Variants in TOP1MT observed in about 807,000 individuals in gnomAD.
The protein encoded by TOP1MT is DNA topoisomerase I, mitochondrial.
A neutral mutation model predicts 73.9 loss-of-function variants in TOP1MT; 80 were observed. That is an observed-to-expected ratio of 1.08 (90% CI 0.90 to 1.30). The LOEUF (loss-of-function observed/expected upper bound fraction) is 1.30. Ranked by LOEUF, TOP1MT falls within the 50% of genes most tolerant of loss-of-function variation. TOP1MT has a pLI of 0.00. For missense variants in TOP1MT, 815 were observed against 808.0 expected, an observed-to-expected ratio of 1.01 and a Z score of -0.10; for synonymous variants, 338 against 326.4, an observed-to-expected ratio of 1.04 and a Z score of -0.38.
rs1229139244 is a variant in TOP1MT at position 143,341,370 on chromosome 8, G to A, written c.29+1850C>T. Among the ~76,000 whole-genome samples the A allele has an allele frequency of 1.3e-5, 2 of 152,322 alleles. No individual in the cohort carries two copies. Among genetic ancestry groups the A allele is most frequent in the East Asian group, 1.9e-4 (1 of 5,166 alleles). ...CTTCTATCTCTTCTCTTGGGTGTCAGGACCCCGGGCACATCCACCAAGGGC... is the reference window on the plus strand; with the variant it reads ...CTTCTATCTCTTCTCTTGGGTGTCAAGACCCCGGGCACATCCACCAAGGGC... On this transcript the variant is annotated intron_variant, in intron 2 of 5. Coordinates refer to the TOP1MT transcript ENST00000518007. This position sits in a 1 kb window ranked among gnomAD's most constrained non-coding sequence, Gnocchi z 4.1.
At chr8:143,316,406 C>A (rs1266229725) in intron 10 of TOP1MT, among the ~76,000 whole-genome samples, 3 of 152,162 alleles carry the variant, frequency 2.0e-5, no homozygotes, top group Non-Finnish European at 4.4e-5. Flanking sequence ...GGAGGCCCAG[C>A]CGCCTGGACG....
rs1204155434 is a variant in TOP1MT, at chr8:143,309,481, G to A, written c.1766C>T (p.Ala589Val). ...IYSKTQRERFAWALAMAGEDF... is the reference protein window; with the variant it reads ...IYSKTQRERFVWALAMAGEDF... ...TTCTCCTGCCATGGCGAGAGCCCAGGCGAACCTCTCCCGCTGTGTTTTGCT... is the reference window on the plus strand; with the variant it reads ...TTCTCCTGCCATGGCGAGAGCCCAGACGAACCTCTCCCGCTGTGTTTTGCT... The change falls in exon 14 of 14, where the codon GCC becomes GTC. Residue 589 changes from alanine to valine, a missense_variant. Around this residue, in one of 3 missense-constraint regions of TOP1MT, gnomAD observed 751 missense variants for 725.4 expected, o/e 1.04. Transcript: ENST00000329245. 6.8e-6 allele frequency: 11 copies of A among 1,613,872 alleles called. No individual in the cohort carries two copies. The highest frequency in any genetic ancestry group is 9.3e-6 in the Non-Finnish European group (11 of 1,180,028).
chr8:143,309,577 C>T (rs772980860), intron 13 of TOP1MT, 34 bp from the exon 14 acceptor site: 20 of 1,611,468 alleles, frequency 1.2e-5, no homozygotes, highest in Non-Finnish European at 1.6e-5. Context: ...GGCAAGCAGG[C>T]AACTCACCCA....
chr8:143,315,960 C>T (rs1286863369), intron 11 of TOP1MT, 39 bp downstream of exon 11: 1 of 1,613,820 alleles, frequency 6.2e-7, no homozygotes, highest in Non-Finnish European at 8.5e-7. Context: ...GGAGGGGTCC[C>T]TTGAGGGCTG....
chr8:143,323,089 GGCATGCCAAACAC>G (rs1816561648), intron 7 of TOP1MT, among the ~76,000 whole-genome samples: 2 of 71,142 alleles, frequency 2.8e-5, no homozygotes, highest in African/African-American at 6.2e-5. Flanking sequence ...GCCACACACA[GGCATGCCAAACAC>G]GCACGCCACA....
In TOP1MT at chr8:143,316,145, C is replaced by A; in HGVS notation, c.1331-19G>T. On this transcript the variant is annotated intron_variant, in intron 10 of 13. Transcript: ENST00000329245. ...TCCTCGGCTGAGAGGCACGGGCTGT[C>A]AGAGGCAGCACCCACGGGGCCGGCC... is the stretch of plus-strand genomic sequence containing the variant. 6.2e-7 allele frequency: 1 copy of A among 1,613,934 alleles called. No individual in the cohort carries two copies. Among genetic ancestry groups the A allele is most frequent in the South Asian group, 1.1e-5 (1 of 91,076 alleles).
chr8:143,310,183 G>A lies in TOP1MT; in HGVS notation c.1588C>T (p.Leu530=). ...LEKKRRLLEK[L]QEQLAQLSVQ... ...CTCAGCTGCGCCAGCTGCTCCTGCA[G>A]CTTCTCCAGGAGCCGCCTCTTCTTC... The change falls in exon 13 of 14, where the codon CTG becomes TTG. Residue 530 remains leucine, a synonymous_variant. Transcript: ENST00000329245. 6.2e-7 allele frequency: 1 copy of A among 1,600,658 alleles called. No individual in the cohort carries two copies.
chr8:143,327,738 G>A (rs968059785), intron 3 of TOP1MT: 9 of 429,414 alleles, frequency 2.1e-5, no homozygotes, highest in Admixed American at 7.8e-5. Context: ...CAAAGCTGTC[G>A]TGAAAGGCAG....
chr8:143,311,649 G>C (rs552888384), intron 12 of TOP1MT, among the ~76,000 whole-genome samples: 2 of 152,052 alleles, frequency 1.3e-5, no homozygotes, highest in Non-Finnish European at 2.9e-5. Flanking sequence ...AGGAGGCTGA[G>C]GCAGGAAAAT....
At chr8:143,345,742 G>A (rs2931708), upstream of TOP1MT, among the ~76,000 whole-genome samples, 71 of 152,342 alleles carry the variant, frequency 4.7e-4, no homozygotes, top group Non-Finnish European at 8.4e-4. Context: ...CTATACTGAT[G>A]AAGTCAGTCA....
rs1490583519 is a variant in TOP1MT, at chr8:143,341,158, C to A, written c.29+2062G>T. Among the ~76,000 whole-genome samples the A allele has an allele frequency of 6.6e-6, 1 of 152,210 alleles. No homozygotes were observed. On this transcript the variant is annotated intron_variant, in intron 2 of 5. Coordinates refer to the TOP1MT transcript ENST00000518007. This position sits in a 1 kb window ranked among gnomAD's most constrained non-coding sequence, Gnocchi z 4.1. ...GCCACCCTCTTCTCGTGCTGCCGCC[C>A]CAGTGCATCTCCCCACACGTTTGTC... is the stretch of plus-strand genomic sequence containing the variant.
At chr8:143,332,497 C>T (rs1816885182) in intron 1 of TOP1MT, 1 of 1,289,318 alleles carries the variant, frequency 7.8e-7, no homozygotes, top group South Asian at 1.2e-5. Flanking sequence ...CTGCCAGAGC[C>T]AGGAGACCTG....
At chr8:143,325,218 G>A (rs1490947517) in intron 5 of TOP1MT, 128 bp downstream of exon 5, 10 of 885,790 alleles carry the variant, frequency 1.1e-5, no homozygotes, top group Non-Finnish European at 1.7e-5. Flanking sequence ...GAGCTCCACA[G>A]GAATGGTGTG....
In TOP1MT at chr8:143,325,542, A is replaced by G. The variant is rs1005462155; in HGVS notation, c.484-9T>C. On this transcript the variant is annotated splice_polypyrimidine_tract_variant and intron_variant, in intron 4 of 13. Coordinates refer to ENST00000329245, the MANE Select transcript of TOP1MT (RefSeq NM_052963.3). ...GCCTCTTCTTTTAGCTTCTGAGTTAATAAAACAGTCAGTGGACATTAGCAG... is the reference window on the plus strand; with the variant it reads ...GCCTCTTCTTTTAGCTTCTGAGTTAGTAAAACAGTCAGTGGACATTAGCAG... 1 of 1,602,868 alleles carries G rather than the reference A, an allele frequency of 6.2e-7. No individual in the cohort carries two copies. Among genetic ancestry groups the G allele is most frequent in the Non-Finnish European group, 8.5e-7 (1 of 1,170,772 alleles).
At chr8:143,321,078 C>CCTCACCCAGCAGGCAGGA in intron 8 of TOP1MT, 123 bp downstream of exon 8, 1 of 1,008,108 alleles carries the variant, frequency 9.9e-7, no homozygotes, top group South Asian at 1.6e-5. Flanking sequence ...GCACAGCAGG[C>CCTCACCCAGCAGGCAGGA]CTCACCCAGC....
At chr8:143,329,588 C>G in intron 2 of TOP1MT, 117 bp from the exon 3 acceptor site, 1 of 1,281,574 alleles carries the variant, frequency 7.8e-7, no homozygotes, top group Non-Finnish European at 1.1e-6. Flanking sequence ...GAGCAAGAAG[C>G]TAGGCCTTCT....
Position 143,310,789 on chromosome 8 carries a change from C to T in TOP1MT, c.1554-572G>A, listed in dbSNP as rs543660188. Among the ~76,000 whole-genome samples, 56 of 152,306 alleles carry T rather than the reference C, an allele frequency of 3.7e-4. 1 individual carries two copies. Among genetic ancestry groups the T allele is most frequent in the South Asian group, 8.3e-4 (4 of 4,828 alleles). On this transcript the variant is annotated intron_variant, in intron 12 of 13. Coordinates refer to ENST00000329245, the MANE Select transcript of TOP1MT (RefSeq NM_052963.3). ...TACGGCTGAGAATGGGGCAGCCCGC[C>T]GGGCCAGAAGCATAGGTCCGGGGAA...
In TOP1MT at chr8:143,323,870, C is replaced by T. The variant is rs529622086; in HGVS notation, c.960+129G>A. The T allele has an allele frequency of 1.5e-5, 16 of 1,038,954 alleles. No homozygotes were observed. The East Asian group carries it at 3.4e-4, about 22-fold the overall frequency. 64.4% of individuals were successfully genotyped at this position (1,038,954 alleles called of 1,614,324 possible). A position where few individuals can be genotyped will look rare whatever the true frequency, so the allele number is the denominator to read the frequency against. ...ACCCACACACGTGTGCACATGCACA[C>T]ACCCCCCCCATCAGAATGAGGTTCC... On this transcript the variant is annotated intron_variant, in intron 7 of 13. Transcript: ENST00000329245.
At chr8:143,322,057 GGCACGCCACACAC>G (rs1177365338) in intron 7 of TOP1MT, among the ~76,000 whole-genome samples, 1 of 52,612 alleles carries the variant, frequency 1.9e-5, no homozygotes, top group African/African-American at 6.8e-5. Context: ...CACACACACA[GGCACGCCACACAC>G]GCACGCCACA....
Sources: allele counts gnomAD v4.1 joint callset (sites outside exome capture counted in the v4.1 genomes callset), GRCh38; gene constraint gnomAD v4.1.1; regional missense constraint gnomAD v4.1.1; non-coding constraint Gnocchi (gnomAD v3.1); transcripts MANE v1.5; gene names NCBI Gene and HGNC (gene_info 2026-07-23, HGNC 2026-07-21).